CCNK: variants seen among roughly 807,000 people sequenced by gnomAD.
CCNK encodes the protein cyclin-K.
CCNK carries 9 observed loss-of-function variants against 65.0 expected under a neutral mutation model. That is an observed-to-expected ratio of 0.14 (90% CI 0.08 to 0.24). CCNK has a LOEUF of 0.24. Ranked by LOEUF, CCNK falls within the 10% of genes least tolerant of loss-of-function variation. The pLI, the probability that CCNK is intolerant of heterozygous loss-of-function variation, is 1.00. For missense variants in CCNK, 474 were observed against 720.0 expected, an observed-to-expected ratio of 0.66 and a Z score of 3.91; for synonymous variants, 279 against 270.8, an observed-to-expected ratio of 1.03 and a Z score of -0.30.
At chr14:99,501,297 T>G in intron 5 of CCNK, 59 bp from the exon 6 acceptor site, 3 of 1,095,522 alleles carry the variant, frequency 2.7e-6, no homozygotes, top group Non-Finnish European at 4.2e-6. Context: ...AATAAATACT[T>G]GATGCTGCCT....
At chr14:99,502,651 C>A in intron 7 of CCNK, 68 bp from the exon 8 acceptor site, 6 of 1,470,172 alleles carry the variant, frequency 4.1e-6, no homozygotes, top group Non-Finnish European at 5.7e-6. Context: ...ATAACTGATT[C>A]TTTATCCAGG....
At chr14:99,481,996 T>TA (rs768452036) in intron 1 of CCNK, among the ~76,000 whole-genome samples, 4 of 152,214 alleles carry the variant, frequency 2.6e-5, no homozygotes, top group Admixed American at 6.5e-5. Context: ...GATTTCGTTC[T>TA]TGCCCAGACA....
At chr14:99,485,981 A>G (rs1377661738) in intron 1 of CCNK, among the ~76,000 whole-genome samples, 1 of 152,230 alleles carries the variant, frequency 6.6e-6, no homozygotes, top group South Asian at 2.1e-4. Context: ...ATATGTGTAT[A>G]TATGTATTTT....
At chr14:99,509,857 C>G in intron 10 of CCNK, 1 of 471,464 alleles carries the variant, frequency 2.1e-6, no homozygotes, top group Non-Finnish European at 3.7e-6. Flanking sequence ...GAAGAGGGGG[C>G]TGGGGCCAGG....
At chr14:99,510,135 C>G (rs1897083587) in intron 10 of CCNK, 22 bp from the exon 11 acceptor site, 1 of 1,584,304 alleles carries the variant, frequency 6.3e-7, no homozygotes, top group Non-Finnish European at 8.5e-7. Flanking sequence ...AGGCCGGGCA[C>G]TGATGCGTCT....
rs1235772236 is a variant in CCNK at position 99,510,515 on chromosome 14, C to T, written c.1476C>T (p.Ala492=). 9 of 773,432 alleles carry T rather than the reference C, an allele frequency of 1.2e-5. No homozygotes were observed. The highest frequency in any genetic ancestry group is 1.7e-5 in the Non-Finnish European group (9 of 517,850). 47.9% of individuals were successfully genotyped at this position (773,432 alleles called of 1,614,324 possible). ...CGCCACCTGTGCCTCCTCCCCCAGC[C>T]TCCTTCCCCCCACCTGCCATCCCAC... ...PPPPPVPPPP[A]SFPPPAIPPP... The change falls in exon 11 of 11, where the codon GCC becomes GCT. Residue 492 remains alanine (A), a synonymous_variant. Coordinates refer to ENST00000389879, the MANE Select transcript of CCNK (RefSeq NM_001099402.2).
intron 9 of CCNK, chr14:99,505,352 C>T (rs1440393053): frequency 6.6e-6 from 1 of 152,178 alleles, no homozygotes; most frequent in Non-Finnish European, 1.5e-5. Context: ...CTGCAGAGGG[C>T]TGCAAGCACT....
intron 4 of CCNK, among the ~76,000 whole-genome samples, chr14:99,495,887 CA>C (rs2139861857): frequency 6.6e-6 from 1 of 152,286 alleles, no homozygotes; most frequent in South Asian, 2.1e-4. Context: ...TGGATATGAG[CA>C]AAAATCCTCT....
chr14:99,509,110 A>G (rs1427737419), intron 10 of CCNK: 3 of 152,202 alleles, frequency 2.0e-5, no homozygotes, highest in Non-Finnish European at 4.4e-5. Context: ...TTGTGTGCCA[A>G]TGGCCACGTC....
chr14:99,488,000 G>A (rs1440719387), intron 1 of CCNK, among the ~76,000 whole-genome samples: 1 of 152,170 alleles, frequency 6.6e-6, no homozygotes, highest in Non-Finnish European at 1.5e-5. Flanking sequence ...ATAGTGCAAT[G>A]ACAACTTATT....
intron 1 of CCNK, among the ~76,000 whole-genome samples, chr14:99,488,517 G>C (rs1046312117): frequency 6.6e-5 from 10 of 152,078 alleles, no homozygotes; most frequent in Admixed American, 6.6e-4. Flanking sequence ...CTGGAAGTTC[G>C]GTCAAAAGTT....
intron 9 of CCNK, chr14:99,505,895 A>G (rs1331704376): frequency 1.3e-5 from 2 of 152,232 alleles, no homozygotes; most frequent in African/African-American, 4.8e-5. Context: ...AAAATTGTAG[A>G]TATGTGGCTC....
At chr14:99,504,129 C>A in intron 9 of CCNK, 1 of 321,832 alleles carries the variant, frequency 3.1e-6, no homozygotes, top group Non-Finnish European at 6.3e-6. Context: ...TGTCTAGAAC[C>A]CAAAGTTAGT....
chr14:99,493,753 T>A (rs949297510), intron 3 of CCNK, among the ~76,000 whole-genome samples, 158 bp downstream of exon 3: 1 of 152,232 alleles, frequency 6.6e-6, no homozygotes, highest in Non-Finnish European at 1.5e-5. Flanking sequence ...TTTGAACTTT[T>A]TTTATTCCAA....
At chr14:99,499,679 T>C (rs1260913310) in intron 4 of CCNK, among the ~76,000 whole-genome samples, 1 of 152,126 alleles carries the variant, frequency 6.6e-6, no homozygotes, top group Non-Finnish European at 1.5e-5. Context: ...AGGGGCTGAG[T>C]TCAAGACATT....
At chr14:99,485,551 ACTC>A (rs1224979595) in intron 1 of CCNK, among the ~76,000 whole-genome samples, 2 of 151,772 alleles carry the variant, frequency 1.3e-5, no homozygotes, top group East Asian at 1.9e-4. Context: ...CCTTGTTCTG[ACTC>A]CTCTAGTGAT....
At chr14:99,505,491 G>A (rs927106413) in intron 9 of CCNK, 20 of 133,842 alleles carry the variant, frequency 1.5e-4, no homozygotes, top group African/African-American at 5.1e-4. Context: ...TAAAATTTTC[G>A]ATCTATCGGG....
intron 8 of CCNK, chr14:99,503,191 C>T (rs911397669): frequency 5.7e-6 from 4 of 707,374 alleles, no homozygotes; most frequent in African/African-American, 3.5e-5. Flanking sequence ...GGAGGGGGCT[C>T]TCTGCCCGGC....
intron 1 of CCNK, among the ~76,000 whole-genome samples, chr14:99,486,579 T>C (rs1051314802): frequency 3.3e-5 from 5 of 152,250 alleles, no homozygotes; most frequent in Admixed American, 6.5e-5. Context: ...TCTTCAAGCT[T>C]AGTATTTATA....
Sources: gnomAD v4.1 joint callset for allele counts (sites outside exome capture counted in the v4.1 genomes callset) on GRCh38, gnomAD v4.1.1 for gene constraint, MANE v1.5 for transcripts, NCBI Gene and HGNC (gene_info 2026-07-23, HGNC 2026-07-21) for gene names.